The following NUP98 variants were observed in gnomAD, a reference collection of about 807,000 sequenced individuals.
The protein encoded by NUP98 is nuclear pore complex protein Nup98-Nup96.
A neutral mutation model predicts 191.9 loss-of-function variants in NUP98; 26 were observed. The ratio of observed to expected loss-of-function variants is 0.14; its 90% confidence interval spans 0.10 to 0.19. The LOEUF is 0.19. Ranked by LOEUF, NUP98 falls within the 10% of genes least tolerant of loss-of-function variation. The probability of loss-of-function intolerance (pLI) is 1.00; values close to 1 mark genes in which losing one functional copy is unlikely to be tolerated. For missense variants in NUP98, 1,941 were observed against 2,178.8 expected (o/e 0.89, Z 2.17); for synonymous variants, 808 against 778.4 (o/e 1.04, Z -0.63).
intron 14 of NUP98, among the ~76,000 whole-genome samples, chr11:3,730,996 G>T (rs2079826154): frequency 6.6e-6 from 1 of 152,224 alleles, no homozygotes; most frequent in African/African-American, 2.4e-5. Context: ...GCTGGGCACA[G>T]CGGCTCACAC....
At chr11:3,704,959 G>A (rs573676745) in intron 22 of NUP98, among the ~76,000 whole-genome samples, 4 of 152,330 alleles carry the variant, frequency 2.6e-5, no homozygotes, top group East Asian at 1.9e-4. Context: ...TAGTAAGTGC[G>A]ACTGCATAAC....
Position 3,691,383 on chromosome 11 carries a change from T to A in NUP98, c.4418A>T (p.Asp1473Val). 1 of 1,614,118 alleles carries A rather than the reference T, an allele frequency of 6.2e-7. No individual in the cohort carries two copies. The highest frequency in any genetic ancestry group is 8.5e-7 in the Non-Finnish European group (1 of 1,180,026). ...GAGTTTTAGAAGGTGAAAGCAGACA[T>A]CTCGAAGTGGTGTCTGTGAGTTTTG... ...EEQNSQTPLR[D>V]VCFHLLKLYS... The change falls in exon 28 of 33, where the codon GAT (aspartate) becomes GTT (valine). Residue 1473 changes from aspartate (D) to valine (V), a missense_variant. Asp to Val is a radical substitution (Grantham distance 152). Around this residue, in one of 6 missense-constraint regions of NUP98, gnomAD observed 1,030 missense variants for 1,115.8 expected, o/e 0.92. Transcript: ENST00000324932.
intron 28 of NUP98, among the ~76,000 whole-genome samples, chr11:3,689,566 T>C (rs1305121925): frequency 1.3e-5 from 2 of 151,942 alleles, no homozygotes; most frequent in African/African-American, 2.4e-5. Context: ...AACACTGAGA[T>C]AGTTCTAATT....
intron 12 of NUP98, among the ~76,000 whole-genome samples, chr11:3,740,325 A>G (rs960494529): frequency 1.1e-4 from 16 of 152,152 alleles, no homozygotes; most frequent in African/African-American, 3.9e-4. Flanking sequence ...AGCCTAGCCA[A>G]TATGGTGAAA....
At chr11:3,785,371 C>A (rs751702797) in intron 1 of NUP98, among the ~76,000 whole-genome samples, 7 of 151,638 alleles carry the variant, frequency 4.6e-5, no homozygotes, top group Middle Eastern at 6.9e-3. Context: ...CCCACCATCA[C>A]TCATTTACAT....
chr11:3,693,386 C>T lies in NUP98; in HGVS notation c.4168-11G>A. On this transcript the variant is annotated splice_polypyrimidine_tract_variant and intron_variant, in intron 26 of 32. Transcript: ENST00000324932. ...TGAGAGCTGCCACACCTGTGCGAAA[C>T]AAAATCATCACCATGGCTATATTCT... 6.2e-7 allele frequency: 1 copy of T among 1,613,740 alleles called. No homozygotes were observed.
chr11:3,711,875 C>T (rs1380578022), intron 20 of NUP98: 2 of 1,035,582 alleles, frequency 1.9e-6, no homozygotes, highest in Non-Finnish European at 2.3e-6. Context: ...AAAAACCACA[C>T]ATTTCAGCAG....
At position 3,702,776 on chromosome 11, in the gene NUP98, A is replaced by C. The variant is rs946917567; in HGVS notation, c.3199T>G (p.Ser1067Ala). The change falls in exon 23 of 33, where the codon TCT (serine) becomes GCT (alanine). Residue 1067 changes from serine to alanine, a missense_variant. By Grantham distance (99) the Ser-to-Ala change is moderately conservative (BLOSUM62 1). This residue lies in a region of NUP98 where 1,030 missense variants were observed against 1,115.8 expected (regional missense o/e 0.92). Transcript: ENST00000324932. ...GTCAGGGGTGGAGGGACAGACCAAG[A>C]GGATGTGGATGGGATATTCATTAAA... Reference protein sequence around the residue: ...ASLMNIPSTSSWSVPPPLTSV... With the variant: ...ASLMNIPSTSAWSVPPPLTSV... The C allele has an allele frequency of 6.2e-7, 1 of 1,614,154 alleles. No individual in the cohort carries two copies. The highest frequency in any genetic ancestry group is 1.7e-5 in the Admixed American group (1 of 60,004).
At chr11:3,693,105 G>T in intron 27 of NUP98, 127 bp downstream of exon 27, 1 of 865,018 alleles carries the variant, frequency 1.2e-6, no homozygotes, top group Non-Finnish European at 1.8e-6. Context: ...CAGACACTTG[G>T]GGAAGTAGCC....
chr11:3,744,663 A>C lies in NUP98; in HGVS notation c.1268-14T>G. On this transcript the variant is annotated splice_polypyrimidine_tract_variant and intron_variant, in intron 11 of 32. Coordinates refer to ENST00000324932, the MANE Select transcript of NUP98 (RefSeq NM_016320.5). ...CAGCACCAAGAGCTACGGAGACAAG[A>C]GGAAAGAAAAAAGCACCACAGAAGA... 6.3e-7 allele frequency: 1 copy of C among 1,591,188 alleles called. No homozygotes were observed. Among genetic ancestry groups the C allele is most frequent in the Non-Finnish European group, 8.5e-7 (1 of 1,172,138 alleles).
At chr11:3,726,693 A>C (rs1048212151) in intron 14 of NUP98, among the ~76,000 whole-genome samples, 14 of 151,252 alleles carry the variant, frequency 9.3e-5, no homozygotes, top group African/African-American at 3.2e-4. Flanking sequence ...TTTTTCCCCC[A>C]AACAGTCTTA....
Position 3,706,632 on chromosome 11 carries a change from A to G in NUP98, c.2743-5T>C. 1.9e-6 allele frequency: 3 copies of G among 1,612,564 alleles called. No homozygotes were observed. The highest frequency in any genetic ancestry group is 1.1e-5 in the South Asian group (1 of 90,976). Reference sequence around the variant, plus strand: ...CTCCACCTCTGGGCTCTGGCTCTGTAGACAGCAGAAAGATCAGGAAAGCAG... The same window carrying G: ...CTCCACCTCTGGGCTCTGGCTCTGTGGACAGCAGAAAGATCAGGAAAGCAG... On this transcript the variant is annotated splice_region_variant and splice_polypyrimidine_tract_variant and intron_variant, in intron 20 of 32. Transcript: ENST00000324932.
At chr11:3,692,198 A>T (rs956658452) in intron 27 of NUP98, among the ~76,000 whole-genome samples, 1 of 151,902 alleles carries the variant, frequency 6.6e-6, no homozygotes, top group African/African-American at 2.4e-5. Flanking sequence ...GCATGGTGGT[A>T]TGCACCTGTG....
At chr11:3,729,434 G>A (rs1053901933) in intron 14 of NUP98, among the ~76,000 whole-genome samples, 7 of 151,082 alleles carry the variant, frequency 4.6e-5, no homozygotes, top group African/African-American at 1.7e-4. Flanking sequence ...CGGTTGATAG[G>A]TAGCTGGGCG....
chr11:3,752,436 C>G (rs1346254224), intron 11 of NUP98, among the ~76,000 whole-genome samples: 2 of 151,660 alleles, frequency 1.3e-5, no homozygotes, highest in African/African-American at 4.8e-5. Flanking sequence ...AGAATTGCTT[C>G]AACCTGGGAG....
At chr11:3,792,694 A>G (rs1433534957) in intron 1 of NUP98, among the ~76,000 whole-genome samples, 1 of 151,784 alleles carries the variant, frequency 6.6e-6, no homozygotes, top group Non-Finnish European at 1.5e-5. Flanking sequence ...CAAAATCAAC[A>G]TGCATCATGT....
intron 2 of NUP98, among the ~76,000 whole-genome samples, chr11:3,781,610 T>C (rs1005064127): frequency 1.3e-5 from 2 of 150,292 alleles, no homozygotes; most frequent in South Asian, 2.1e-4. Flanking sequence ...GGAAGGGAGG[T>C]AGATCTCCGG....
At position 3,720,830 on chromosome 11, in the gene NUP98, GACAA is replaced by G; in HGVS notation, c.2147-9_2147-6del. The G allele has an allele frequency of 6.3e-6, 2 of 317,106 alleles. No individual in the cohort carries two copies. The highest frequency in any genetic ancestry group is 5.6e-5 in the South Asian group (1 of 18,006). The allele number at this position is 317,106 out of a possible 1,614,324, so 19.6% of individuals were successfully genotyped here. A position where few individuals can be genotyped will look rare whatever the true frequency, so the allele number is the denominator to read the frequency against. On this transcript the variant is annotated splice_polypyrimidine_tract_variant and splice_region_variant and intron_variant, in intron 16 of 32. Transcript: ENST00000324932. ...CAACCTTAGTGAGAATAATACCTGT[GACAA>G]AAAAAAAAAAAAAAACAGAAAAAAA...
chr11:3,772,518 T>C (rs576288563), intron 6 of NUP98, among the ~76,000 whole-genome samples: 8 of 152,058 alleles, frequency 5.3e-5, no homozygotes, highest in Non-Finnish European at 5.9e-5. Flanking sequence ...AAGACAGCCA[T>C]TAAAAAGTAC....
Sources: allele counts gnomAD v4.1 joint callset (sites outside exome capture counted in the v4.1 genomes callset), GRCh38; gene constraint gnomAD v4.1.1; regional missense constraint gnomAD v4.1.1; transcripts MANE v1.5; gene names NCBI Gene and HGNC (gene_info 2026-07-23, HGNC 2026-07-21).